GABPB1: variants seen among roughly 807,000 people sequenced by gnomAD.
GABPB1 encodes the protein GA-binding protein subunit beta-1.
A neutral mutation model predicts 45.9 loss-of-function variants in GABPB1; 15 were observed. The observed-to-expected ratio is 0.33, with a 90% CI of 0.22 to 0.50. GABPB1 has a LOEUF of 0.50. Among genes scored for constraint, GABPB1 ranks in the 20% least tolerant of loss-of-function variants. The pLI, the probability that GABPB1 is intolerant of heterozygous loss-of-function variation, is 0.98. For synonymous variants in GABPB1, 143 were observed against 154.4 expected, an observed-to-expected ratio of 0.93 and a Z score of 0.55; for missense variants, 252 against 457.5, an observed-to-expected ratio of 0.55 and a Z score of 4.10.
chr15:50,290,854 C>G (rs2140990122), intron 6 of GABPB1, among the ~76,000 whole-genome samples: 1 of 152,286 alleles, frequency 6.6e-6, no homozygotes, highest in Middle Eastern at 3.4e-3. Flanking sequence ...GCAGCTCAAG[C>G]AGCACCTGTG....
At chr15:50,321,521 G>A (rs2047567564) in intron 1 of GABPB1, among the ~76,000 whole-genome samples, 1 of 152,058 alleles carries the variant, frequency 6.6e-6, no homozygotes, top group African/African-American at 2.4e-5. Context: ...CCCTTTTATC[G>A]CTTTTAAAGT....
intron 2 of GABPB1, among the ~76,000 whole-genome samples, chr15:50,306,633 A>G (rs1445133890): frequency 1.3e-5 from 2 of 151,924 alleles, no homozygotes; most frequent in African/African-American, 2.4e-5. Context: ...TCTCAAAAAA[A>G]AAAAAAAAAA....
At chr15:50,327,881 G>C (rs1022336175) in intron 1 of GABPB1, among the ~76,000 whole-genome samples, 7 of 151,744 alleles carry the variant, frequency 4.6e-5, no homozygotes, top group Non-Finnish European at 1.0e-4. Context: ...TCTGGCAACA[G>C]AGCGAGACTC....
chr15:50,313,831 C>CT (rs1219978405), intron 1 of GABPB1, among the ~76,000 whole-genome samples: 1 of 151,926 alleles, frequency 6.6e-6, no homozygotes, highest in Non-Finnish European at 1.5e-5. Flanking sequence ...TCTAATGTTA[C>CT]TATATTACCT....
intron 1 of GABPB1, among the ~76,000 whole-genome samples, chr15:50,320,358 G>A (rs930199932): frequency 6.6e-6 from 1 of 152,118 alleles, no homozygotes; most frequent in East Asian, 1.9e-4. Context: ...AGTAGAGATG[G>A]GGTTTCGGCA....
In GABPB1 at chr15:50,275,890, T is replaced by C. The variant is rs1422189544; in HGVS notation, c.*2742A>G. 1.2e-4 allele frequency: 19 copies of C among 152,194 alleles called. No homozygotes were observed. Among genetic ancestry groups the C allele is most frequent in the Admixed American group, 1.2e-3 (19 of 15,280 alleles). The allele number at this position is 152,194 out of a possible 1,614,324, so 9.4% of individuals were successfully genotyped here. On this transcript the variant is annotated 3_prime_UTR_variant, in exon 9 of 9. Coordinates refer to ENST00000380877, the MANE Select transcript of GABPB1 (RefSeq NM_016654.5). The stretch of plus-strand genomic sequence containing the variant: ...CTTTCTGAAAGCATCACAGATTCAG[T>C]CTAGAATTTATAATTCTAGAGGTCC...
At chr15:50,307,829 A>G (rs893636956) in intron 2 of GABPB1, among the ~76,000 whole-genome samples, 28 of 152,286 alleles carry the variant, frequency 1.8e-4, no homozygotes, top group African/African-American at 6.5e-4. Context: ...GTGGGCTGCC[A>G]TCTTTCATCA....
At chr15:50,320,196 T>C (rs756002001) in intron 1 of GABPB1, among the ~76,000 whole-genome samples, 2 of 152,236 alleles carry the variant, frequency 1.3e-5, no homozygotes, top group Non-Finnish European at 2.9e-5. Context: ...AGATGGAGTT[T>C]CGCTCTTGTT....
intron 1 of GABPB1, among the ~76,000 whole-genome samples, chr15:50,335,895 C>CA (rs775073809): frequency 0.056 from 4,462 of 79,280 alleles, 232 homozygotes; most frequent in Non-Finnish European, 0.082. Context: ...GACTCCGACT[C>CA]AAAAAAAAAA....
intron 2 of GABPB1, 134 bp from the exon 3 acceptor site, chr15:50,304,267 T>G (rs759134308): frequency 1.3e-5 from 7 of 545,920 alleles, no homozygotes; most frequent in Non-Finnish European, 2.0e-5. Flanking sequence ...CCTAGATTCA[T>G]GCTTATCACA....
chr15:50,292,846 A>ACGTGTG, intron 6 of GABPB1, among the ~76,000 whole-genome samples: 1 of 149,718 alleles, frequency 6.7e-6, no homozygotes, highest in East Asian at 2.0e-4. Context: ...AAGTGTGTAT[A>ACGTGTG]TGTGTGTGTG....
intron 6 of GABPB1, among the ~76,000 whole-genome samples, chr15:50,299,447 T>A (rs1042290193): frequency 6.6e-6 from 1 of 152,236 alleles, no homozygotes; most frequent in African/African-American, 2.4e-5. Context: ...TTGCCCAGGC[T>A]GGAGTGCAAT....
intron 8 of GABPB1, among the ~76,000 whole-genome samples, chr15:50,281,796 G>GA (rs548152044): frequency 8.7e-4 from 133 of 152,242 alleles, no homozygotes; most frequent in African/African-American, 3.1e-3. Flanking sequence ...TCCAGCCTTA[G>GA]AAAAAAGAGA....
At chr15:50,319,736 C>T (rs2047488903) in intron 1 of GABPB1, among the ~76,000 whole-genome samples, 1 of 152,080 alleles carries the variant, frequency 6.6e-6, no homozygotes, top group Non-Finnish European at 1.5e-5. Context: ...ACTCGGGAAG[C>T]TGAGGCAGGA....
chr15:50,328,369 T>G (rs995742643), intron 1 of GABPB1, among the ~76,000 whole-genome samples: 4 of 152,196 alleles, frequency 2.6e-5, no homozygotes, highest in Non-Finnish European at 4.4e-5. Flanking sequence ...CTCATGACAT[T>G]GATTTGTTGA....
At chr15:50,290,412 A>G (rs2046308008) in intron 6 of GABPB1, among the ~76,000 whole-genome samples, 1 of 152,036 alleles carries the variant, frequency 6.6e-6, no homozygotes, top group Admixed American at 6.6e-5. Context: ...CCAACATGGC[A>G]AAACCCTGTC....
Position 50,303,962 on chromosome 15 carries a change from A to G in GABPB1, c.276+4T>C. 6.3e-7 allele frequency: 1 copy of G among 1,589,456 alleles called. No homozygotes were observed. The highest frequency in any genetic ancestry group is 8.5e-7 in the Non-Finnish European group (1 of 1,170,968). The stretch of plus-strand genomic sequence containing the variant: ...AAAGCAAAGTGCAAAAAGAGAACAC[A>G]TACCTTAAGTAAAACCTCTACTATG... On this transcript the variant is annotated splice_donor_region_variant and intron_variant, in intron 3 of 8. Transcript: ENST00000380877.
intron 1 of GABPB1, among the ~76,000 whole-genome samples, chr15:50,310,011 T>C (rs899586474): frequency 6.6e-6 from 1 of 152,228 alleles, no homozygotes; most frequent in Non-Finnish European, 1.5e-5. Flanking sequence ...TTACTTAGAA[T>C]AAAAGTAGTT....
intron 1 of GABPB1, chr15:50,354,204 G>T (rs1595865863): frequency 8.8e-6 from 3 of 341,066 alleles, no homozygotes; most frequent in Non-Finnish European, 1.1e-5. Flanking sequence ...GAGATGACCT[G>T]GCAAAATTCT....
Sources: allele counts gnomAD v4.1 joint callset (sites outside exome capture counted in the v4.1 genomes callset), GRCh38; gene constraint gnomAD v4.1.1; transcripts MANE v1.5; gene names NCBI Gene and HGNC (gene_info 2026-07-23, HGNC 2026-07-21).